CAPNS1: variants seen among roughly 807,000 people sequenced by gnomAD.
CAPNS1 encodes the protein CANP small subunit.
CAPNS1 carries 32 observed loss-of-function variants against 39.2 expected under a neutral mutation model. That is an observed-to-expected ratio of 0.82 (90% CI 0.62 to 1.10). CAPNS1 has a LOEUF of 1.10. Among genes scored for constraint, CAPNS1 ranks in the 50% least tolerant of loss-of-function variants. The pLI is 0.00. For missense variants in CAPNS1, 353 were observed against 373.1 expected, an observed-to-expected ratio of 0.95 and a Z score of 0.44; for synonymous variants, 153 against 136.2, an observed-to-expected ratio of 1.12 and a Z score of -0.86.
chr19:36,144,303 C>G (rs1974490200), intron 6 of CAPNS1, among the ~76,000 whole-genome samples: 1 of 152,084 alleles, frequency 6.6e-6, no homozygotes, highest in Non-Finnish European at 1.5e-5. Flanking sequence ...TTGCTTGAAC[C>G]CGGGAGGCGG....
At position 36,148,674 on chromosome 19, in the gene CAPNS1, G is replaced by C. The variant is rs750030152; in HGVS notation, c.722-904G>C. On this transcript the variant is annotated intron_variant, in intron 9 of 10. Coordinates refer to ENST00000246533, the MANE Select transcript of CAPNS1 (RefSeq NM_001749.4). Reference sequence around the variant, plus strand: ...AAAAATACAAAAAAATTAGCCAGGCGTGGTGGTGCACGCCTGTAGTCCCAG... The same window carrying C: ...AAAAATACAAAAAAATTAGCCAGGCCTGGTGGTGCACGCCTGTAGTCCCAG... Among the ~76,000 whole-genome samples, 73 of 151,908 alleles carry C rather than the reference G, an allele frequency of 4.8e-4. 1 individual carries two copies. The highest frequency in any genetic ancestry group is 9.1e-4 in the Non-Finnish European group (62 of 67,948).
intron 6 of CAPNS1, among the ~76,000 whole-genome samples, chr19:36,145,203 C>CTTTTTTTTTTT (rs5827950): frequency 1.7e-5 from 2 of 118,296 alleles, no homozygotes; most frequent in East Asian, 5.2e-4. Flanking sequence ...TTTTCTTTCT[C>CTTTTTTTTTTT]TTTTTTTTTT....
At position 36,149,612 on chromosome 19, in the gene CAPNS1, A is replaced by G. The variant is rs759505309; in HGVS notation, c.756A>G (p.Gly252=). Residue 252 remains glycine (G), a synonymous_variant, in exon 10 of 11, where the codon GGA becomes GGG. Coordinates refer to ENST00000246533, the MANE Select transcript of CAPNS1 (RefSeq NM_001749.4). The part of the protein sequence containing the change: ...AFKSLDKDGT[G]QIQVNIQEWL... Reference sequence around the variant, plus strand: ...AATCTCTTGACAAAGATGGCACTGGACAAATCCAGGTGAACATCCAGGAGG... The same window carrying G: ...AATCTCTTGACAAAGATGGCACTGGGCAAATCCAGGTGAACATCCAGGAGG... The G allele has an allele frequency of 1.3e-6, 2 of 1,533,850 alleles. No individual in the cohort carries two copies. Among genetic ancestry groups the G allele is most frequent in the Non-Finnish European group, 1.8e-6 (2 of 1,142,524 alleles).
chr19:36,143,209 C>A, intron 6 of CAPNS1, 81 bp downstream of exon 6: 1 of 1,189,532 alleles, frequency 8.4e-7, no homozygotes, highest in South Asian at 1.2e-5. Flanking sequence ...CAACATGTAG[C>A]TTTCATATCC....
chr19:36,144,106 G>A (rs1363655267), intron 6 of CAPNS1: 1 of 148,704 alleles, frequency 6.7e-6, no homozygotes, highest in East Asian at 2.0e-4. Context: ...AACCTGGGAG[G>A]CGGAGCTTTG....
intron 9 of CAPNS1, chr19:36,148,392 C>T (rs974163803): frequency 6.6e-6 from 1 of 151,294 alleles, no homozygotes; most frequent in Non-Finnish European, 1.5e-5. Flanking sequence ...TGGCACATGC[C>T]TGTGGTCTCA....
intron 1 of CAPNS1, 101 bp from the exon 2 acceptor site, chr19:36,140,896 G>T: frequency 1.3e-6 from 2 of 1,555,510 alleles, no homozygotes; most frequent in Non-Finnish European, 1.7e-6. Context: ...CCACCCGGAG[G>T]CTTCAGATTC....
chr19:36,146,832 T>C (rs1414559493), intron 9 of CAPNS1, among the ~76,000 whole-genome samples: 2 of 152,120 alleles, frequency 1.3e-5, no homozygotes, highest in East Asian at 3.9e-4. Context: ...CTGATGCTTT[T>C]TGTTAGATTT....
At chr19:36,149,364 C>A (rs536534771) in intron 9 of CAPNS1, among the ~76,000 whole-genome samples, 1 of 152,288 alleles carries the variant, frequency 6.6e-6, no homozygotes, top group South Asian at 2.1e-4. Context: ...CCACGCCCAG[C>A]CTGTGCCTCA....
intron 2 of CAPNS1, chr19:36,141,527 T>G (rs1320938003): frequency 5.8e-6 from 7 of 1,203,868 alleles, no homozygotes; most frequent in Non-Finnish European, 7.2e-6. Context: ...GGGTCTGGGC[T>G]CAGCCTGCAT....
chr19:36,142,411 C>T, intron 3 of CAPNS1, 78 bp downstream of exon 3: 1 of 746,582 alleles, frequency 1.3e-6, no homozygotes, highest in Non-Finnish European at 2.3e-6. Flanking sequence ...TGTAGAGAAG[C>T]CCCACCTTCC....
Position 36,141,082 on chromosome 19 carries a change from G to T in CAPNS1, c.71G>T (p.Gly24Val). The stretch of plus-strand genomic sequence containing the variant: ...GGGGGAGGCGGGGGCCTGGGTGGGG[G>T]CCTGGGAAATGTGCTTGGAGGCCTG... ...GGGGGGGLGG[G>V]LGNVLGGLIS... The change falls in exon 2 of 11, where the codon GGC becomes GTC. Residue 24 changes from glycine to valine, a missense_variant. Physicochemically the swap from Gly to Val is moderately radical, Grantham distance 109 (BLOSUM62 -3). Coordinates refer to ENST00000246533, the MANE Select transcript of CAPNS1 (RefSeq NM_001749.4). 6.8e-7 allele frequency: 1 copy of T among 1,479,272 alleles called. No individual in the cohort carries two copies. 91.6% of individuals were successfully genotyped at this position (1,479,272 alleles called of 1,614,324 possible). A position where few individuals can be genotyped will look rare whatever the true frequency, so the allele number is the denominator to read the frequency against.
At chr19:36,149,392 T>G (rs957431773) in intron 9 of CAPNS1, among the ~76,000 whole-genome samples, 186 bp from the exon 10 acceptor site, 2 of 152,192 alleles carry the variant, frequency 1.3e-5, no homozygotes, top group African/African-American at 4.8e-5. Flanking sequence ...ATGACACTTA[T>G]CTCACAGAGT....
At chr19:36,142,361 T>A in intron 3 of CAPNS1, 28 bp downstream of exon 3, 1 of 1,286,976 alleles carries the variant, frequency 7.8e-7, no homozygotes, top group Non-Finnish European at 1.1e-6. Flanking sequence ...CCAGACCCCC[T>A]TCTCCTGCCA....
Position 36,145,710 on chromosome 19 carries a change from T to G in CAPNS1, c.457-96T>G, listed in dbSNP as rs112340917. On this transcript the variant is annotated intron_variant, in intron 6 of 10. Coordinates refer to ENST00000246533, the MANE Select transcript of CAPNS1 (RefSeq NM_001749.4). ...CAAGCGGGAGCTGGAGTTTCAGCCC[T>G]GGCTGCCCTGCTTGCTGTATCACCA... 8.5e-6 allele frequency: 9 copies of G among 1,060,398 alleles called. No individual in the cohort carries two copies. The African/African-American group carries it at 1.4e-4, about 17-fold the overall frequency. The allele number at this position is 1,060,398 out of a possible 1,614,324, so 65.7% of individuals were successfully genotyped here. A position where few individuals can be genotyped will look rare whatever the true frequency, so the allele number is the denominator to read the frequency against.
Position 36,142,745 on chromosome 19 carries a change from A to T in CAPNS1, c.333+4A>T. 6.2e-7 allele frequency: 1 copy of T among 1,613,512 alleles called. No individual in the cohort carries two copies. The highest frequency in any genetic ancestry group is 1.3e-5 in the African/African-American group (1 of 74,986). On this transcript the variant is annotated splice_donor_region_variant and intron_variant, in intron 4 of 10. Coordinates refer to ENST00000246533, the MANE Select transcript of CAPNS1 (RefSeq NM_001749.4). ...CTTTGCCCAGCTGGCTGGAGATGTA[A>T]GTAACCTGGGGTCCCTGGCCCCGTC...
chr19:36,149,830 G>T lies in CAPNS1; in HGVS notation c.798G>T (p.Met266Ile). ...CTCCCCAGTGGCTGCAGCTGACTAT[G>T]TATTCCTGAACTGGAGCCCCAGACC... ...VNIQEWLQLT[M>I]YS Residue 266 changes from methionine (M) to isoleucine (I), a missense_variant, in exon 11 of 11, where the codon ATG (methionine) becomes ATT (isoleucine). Transcript: ENST00000246533. 2 of 1,484,954 alleles carry T rather than the reference G, an allele frequency of 1.3e-6. No individual in the cohort carries two copies. The highest frequency in any genetic ancestry group is 1.8e-4 in the Middle Eastern group (1 of 5,530). The allele number at this position is 1,484,954 out of a possible 1,614,324, so 92.0% of individuals were successfully genotyped here.
At chr19:36,148,508 G>A (rs1427496149) in intron 9 of CAPNS1, among the ~76,000 whole-genome samples, 10 of 98,856 alleles carry the variant, frequency 1.0e-4, no homozygotes, top group South Asian at 3.3e-4. Flanking sequence ...CAGAGACACC[G>A]TCTAAAAAAA....
intron 7 of CAPNS1, 27 bp from the exon 8 acceptor site, chr19:36,145,949 T>G: frequency 6.2e-7 from 1 of 1,613,832 alleles, no homozygotes; most frequent in Non-Finnish European, 8.5e-7. Context: ...CAATGCTCAC[T>G]TGGACCCAAT....
Sources: gnomAD v4.1 joint callset for allele counts (sites outside exome capture counted in the v4.1 genomes callset) on GRCh38, gnomAD v4.1.1 for gene constraint, MANE v1.5 for transcripts, NCBI Gene and HGNC (gene_info 2026-07-23, HGNC 2026-07-21) for gene names.